EHBP1: variants seen among roughly 807,000 people sequenced by gnomAD.
EHBP1 encodes the protein EH domain-binding protein 1.
Under a neutral mutation model 144.0 loss-of-function variants are expected in EHBP1, and 55 were observed. The ratio of observed to expected loss-of-function variants is 0.38; its 90% confidence interval spans 0.31 to 0.48. EHBP1 has a LOEUF of 0.48. Among genes scored for constraint, EHBP1 ranks in the 20% least tolerant of loss-of-function variants. The pLI is 0.98. For synonymous variants in EHBP1, 469 were observed against 472.7 expected, an observed-to-expected ratio of 0.99 and a Z score of 0.10; for missense variants, 1,200 against 1,364.2, an observed-to-expected ratio of 0.88 and a Z score of 1.90.
chr2:62,959,912 C>T (rs2057911531), intron 14 of EHBP1, among the ~76,000 whole-genome samples: 1 of 152,044 alleles, frequency 6.6e-6, no homozygotes. Context: ...TTAATAATTG[C>T]TGTTGTAGTA....
At chr2:62,675,509 G>C (rs1350400373) in intron 1 of EHBP1, among the ~76,000 whole-genome samples, 1 of 152,092 alleles carries the variant, frequency 6.6e-6, no homozygotes, top group Non-Finnish European at 1.5e-5. Context: ...ATAATGAAAA[G>C]GCATTGAAAT....
chr2:62,975,672 C>A (rs917665209), intron 14 of EHBP1, among the ~76,000 whole-genome samples: 2 of 124,874 alleles, frequency 1.6e-5, no homozygotes, highest in African/African-American at 2.6e-5. Flanking sequence ...TGACTTGAGC[C>A]TAGGAGTTTG....
chr2:62,917,800 A>G (rs1348611106), intron 10 of EHBP1, among the ~76,000 whole-genome samples: 1 of 152,136 alleles, frequency 6.6e-6, no homozygotes. Flanking sequence ...AGCAAAATGT[A>G]TAGGAGCATA....
intron 19 of EHBP1, among the ~76,000 whole-genome samples, chr2:63,027,377 T>C (rs146729499): frequency 3.2e-4 from 48 of 152,326 alleles, no homozygotes; most frequent in African/African-American, 1.1e-3. Flanking sequence ...TAATGTGTAC[T>C]CAAGTGAAGA....
Position 62,706,037 on chromosome 2 carries a change from G to T in EHBP1, c.-311G>T. 6.5e-6 allele frequency: 1 copy of T among 154,624 alleles called. No individual in the cohort carries two copies. Among genetic ancestry groups the T allele is most frequent in the South Asian group, 1.6e-4 (1 of 6,138 alleles). The allele number at this position is 154,624 out of a possible 1,614,324, so 9.6% of individuals were successfully genotyped here. On this transcript the variant is annotated 5_prime_UTR_variant, in exon 1 of 23. Transcript: ENST00000431489. ...AAGGGAACGGGGCCAGACTCAGCCCGACAGCGGGATTAGAGGTGTGAGGAG... is the reference window on the plus strand; with the variant it reads ...AAGGGAACGGGGCCAGACTCAGCCCTACAGCGGGATTAGAGGTGTGAGGAG...
chr2:63,023,568 A>G (rs1161614294), intron 19 of EHBP1, among the ~76,000 whole-genome samples: 1 of 152,238 alleles, frequency 6.6e-6, no homozygotes, highest in Non-Finnish European at 1.5e-5. Context: ...GACTGGTTGT[A>G]GACTGCTCTT....
chr2:62,762,391 T>A (rs1384711232), intron 3 of EHBP1, among the ~76,000 whole-genome samples: 1 of 152,220 alleles, frequency 6.6e-6, no homozygotes, highest in Non-Finnish European at 1.5e-5. Context: ...AAATATTACC[T>A]GTATGCTGAC....
At chr2:63,039,076 T>G (rs1258087885) in intron 21 of EHBP1, among the ~76,000 whole-genome samples, 1 of 152,204 alleles carries the variant, frequency 6.6e-6, no homozygotes, top group Non-Finnish European at 1.5e-5. Context: ...GTCCATAAAA[T>G]GGAAAATAAA....
intron 19 of EHBP1, among the ~76,000 whole-genome samples, chr2:62,998,747 T>A (rs1405690064): frequency 6.6e-6 from 1 of 152,152 alleles, no homozygotes. Flanking sequence ...AGAATCCTTT[T>A]GAGCTTATTA....
At chr2:62,909,596 A>G (rs1422387246) in intron 10 of EHBP1, among the ~76,000 whole-genome samples, 2 of 152,218 alleles carry the variant, frequency 1.3e-5, no homozygotes, top group Non-Finnish European at 2.9e-5. Flanking sequence ...TAAAAGGAAA[A>G]TATGTTTGGA....
In EHBP1 at chr2:62,894,927, A is replaced by AGAGAGAGAGAGAGAGAG. The variant is rs71410972; in HGVS notation, c.1185+20395_1185+20396insGAGAGAGAGAGAGAGAG. Among the ~76,000 whole-genome samples, 955 of 141,166 alleles carry AGAGAGAGAGAGAGAGAG rather than the reference A, an allele frequency of 6.8e-3. 18 individuals carry two copies. Among genetic ancestry groups the AGAGAGAGAGAGAGAGAG allele is most frequent in the South Asian group, 0.021 (90 of 4,190 alleles). 92.6% of individuals were successfully genotyped at this position (141,166 alleles called of 152,430 possible). On this transcript the variant is annotated intron_variant, in intron 10 of 22. Transcript: ENST00000431489. Reference sequence around the variant, plus strand: ...CAAGACCCTAGCAAAAACAGAAAGAAAGAGAGAGAGAGAGAGAGAGAGAGA... The same window carrying AGAGAGAGAGAGAGAGAG: ...CAAGACCCTAGCAAAAACAGAAAGAAGAGAGAGAGAGAGAGAGAGAGAGAGAGAGAGAGAGAGAGAGA...
intron 4 of EHBP1, among the ~76,000 whole-genome samples, chr2:62,768,808 A>G (rs934804998): frequency 2.6e-4 from 39 of 152,174 alleles, no homozygotes; most frequent in African/African-American, 9.2e-4. Context: ...TCAAAAAGCT[A>G]ATCTACCACG....
chr2:63,013,469 A>G (rs1298462736), intron 19 of EHBP1, among the ~76,000 whole-genome samples: 1 of 152,170 alleles, frequency 6.6e-6, no homozygotes, highest in Non-Finnish European at 1.5e-5. Context: ...AAAGTTTCCC[A>G]CAATGCATTG....
intron 19 of EHBP1, among the ~76,000 whole-genome samples, chr2:63,017,581 G>T (rs947725244): frequency 2.6e-5 from 4 of 152,086 alleles, no homozygotes; most frequent in East Asian, 1.9e-4. Context: ...AGCACTTGGA[G>T]CTCCATAAAT....
chr2:63,004,185 G>T (rs1467346996), intron 19 of EHBP1, among the ~76,000 whole-genome samples: 1 of 151,648 alleles, frequency 6.6e-6, no homozygotes, highest in Non-Finnish European at 1.5e-5. Context: ...TTAAAGACTG[G>T]CATGCCATCC....
intron 19 of EHBP1, among the ~76,000 whole-genome samples, chr2:63,035,682 T>G (rs1369356586): frequency 6.6e-6 from 1 of 151,866 alleles, no homozygotes; most frequent in African/African-American, 2.4e-5. Flanking sequence ...AATCGGAAAG[T>G]AAAATATCAT....
intron 19 of EHBP1, among the ~76,000 whole-genome samples, chr2:63,023,166 C>T (rs2060830015): frequency 6.6e-6 from 1 of 152,100 alleles, no homozygotes; most frequent in Non-Finnish European, 1.5e-5. Context: ...CATAGCAAGA[C>T]TCTGTATCAA....
Position 62,707,133 on chromosome 2 carries a change from C to A in EHBP1, c.-59C>A. On this transcript the variant is annotated 5_prime_UTR_variant, in exon 2 of 23. Coordinates refer to ENST00000431489, the MANE Select transcript of EHBP1 (RefSeq NM_001142616.3). ...AAGTTCCTTTGCTTTGGACCCTCTG[C>A]ATTATTAAAGCTGCTGTATTGCTAA... 7.5e-7 allele frequency: 1 copy of A among 1,329,276 alleles called. No individual in the cohort carries two copies. Among genetic ancestry groups the A allele is most frequent in the Non-Finnish European group, 1.1e-6 (1 of 921,160 alleles). 82.3% of individuals were successfully genotyped at this position (1,329,276 alleles called of 1,614,324 possible). A position where few individuals can be genotyped will look rare whatever the true frequency, so the allele number is the denominator to read the frequency against.
At chr2:63,024,124 T>A (rs895045778) in intron 19 of EHBP1, among the ~76,000 whole-genome samples, 2 of 152,048 alleles carry the variant, frequency 1.3e-5, no homozygotes, top group Non-Finnish European at 2.9e-5. Flanking sequence ...GGTGGGCGGA[T>A]CATGAGGTCA....
Sources: allele counts gnomAD v4.1 joint callset (sites outside exome capture counted in the v4.1 genomes callset), GRCh38; gene constraint gnomAD v4.1.1; transcripts MANE v1.5; gene names NCBI Gene and HGNC (gene_info 2026-07-23, HGNC 2026-07-21).